Variants in SNX13 observed in about 807,000 individuals in gnomAD.
The protein encoded by SNX13 is sorting nexin-13.
In SNX13, 45 loss-of-function variants were observed where a neutral mutation model predicts 133.6. That is an observed-to-expected ratio of 0.34 (90% CI 0.27 to 0.43). SNX13 has a LOEUF of 0.43. SNX13 is among the 20% of genes least tolerant of loss of function. SNX13 has a pLI of 1.00. For missense variants in SNX13, 1,032 were observed against 1,145.1 expected, an observed-to-expected ratio of 0.90 and a Z score of 1.43; for synonymous variants, 414 against 373.9, an observed-to-expected ratio of 1.11 and a Z score of -1.24.
At chr7:17,913,684 G>C (rs571856491) in intron 1 of SNX13, among the ~76,000 whole-genome samples, 1 of 147,372 alleles carries the variant, frequency 6.8e-6, no homozygotes, top group South Asian at 2.1e-4. Context: ...AGCAACATAC[G>C]TCAGTCATAC....
chr7:17,902,780 G>A (rs149054513), intron 1 of SNX13, among the ~76,000 whole-genome samples: 6 of 152,130 alleles, frequency 3.9e-5, no homozygotes, highest in African/African-American at 9.7e-5. Flanking sequence ...TTAGGAACTG[G>A]GCCGCACAGC....
At chr7:17,919,310 A>T (rs1218291605) in intron 1 of SNX13, among the ~76,000 whole-genome samples, 1 of 152,174 alleles carries the variant, frequency 6.6e-6, no homozygotes, top group Non-Finnish European at 1.5e-5. Flanking sequence ...AATACTAAAT[A>T]ACCTACTTAG....
chr7:17,883,636 C>T (rs1455645931), intron 5 of SNX13, among the ~76,000 whole-genome samples: 2 of 152,036 alleles, frequency 1.3e-5, no homozygotes, highest in Non-Finnish European at 1.5e-5. Context: ...CAGGTATACA[C>T]GTGCCATGGT....
At chr7:17,825,257 A>AACTAGGCTAG (rs1554314266) in intron 17 of SNX13, among the ~76,000 whole-genome samples, 2 of 146,396 alleles carry the variant, frequency 1.4e-5, no homozygotes, top group Non-Finnish European at 3.0e-5. Flanking sequence ...AACTAGATTA[A>AACTAGGCTAG]ACTAGACTAG....
chr7:17,924,214 A>T (rs1646374309), intron 1 of SNX13, among the ~76,000 whole-genome samples: 1 of 152,222 alleles, frequency 6.6e-6, no homozygotes, highest in Non-Finnish European at 1.5e-5. Context: ...ATGGGAGAAA[A>T]TATTTGCAAA....
chr7:17,864,960 G>A (rs1172652304), intron 9 of SNX13, among the ~76,000 whole-genome samples: 1 of 151,478 alleles, frequency 6.6e-6, no homozygotes, highest in Non-Finnish European at 1.5e-5. Context: ...TCAAAGTGCT[G>A]AAGGAAAAAA....
chr7:17,929,235 T>G (rs529996704), intron 1 of SNX13, among the ~76,000 whole-genome samples: 1 of 151,916 alleles, frequency 6.6e-6, no homozygotes, highest in Non-Finnish European at 1.5e-5. Flanking sequence ...TATAAAGGAA[T>G]AGAGAGAGAT....
rs1338024538 is a variant in SNX13 at position 17,852,570 on chromosome 7, A to G, written c.838-1606T>C. 4.6e-5 allele frequency among the ~76,000 whole-genome samples: 7 copies of G among 152,318 alleles called. No homozygotes were observed. In the East Asian group the frequency reaches 1.2e-3, roughly 25 times the overall value. The stretch of plus-strand genomic sequence containing the variant: ...AAGAAAGAGCAGAGAGAAAATGTAG[A>G]CAGCCAACAGTCAACCCTCTTATAA... On this transcript the variant is annotated intron_variant, in intron 9 of 25. Coordinates refer to ENST00000428135, the MANE Select transcript of SNX13 (RefSeq NM_015132.5).
At chr7:17,823,404 T>C (rs907523224) in intron 17 of SNX13, among the ~76,000 whole-genome samples, 5 of 152,126 alleles carry the variant, frequency 3.3e-5, no homozygotes, top group African/African-American at 1.2e-4. Flanking sequence ...TGCTATTTCG[T>C]ATATAACTGG....
intron 24 of SNX13, 136 bp from the exon 25 acceptor site, chr7:17,797,075 A>C (rs1442103498): frequency 1.5e-6 from 1 of 667,856 alleles, no homozygotes; most frequent in African/African-American, 1.8e-5. Flanking sequence ...ACATATAGCT[A>C]TAATGATATT....
chr7:17,852,875 GAAGAA>G (rs2128328310), intron 9 of SNX13, among the ~76,000 whole-genome samples: 1 of 152,314 alleles, frequency 6.6e-6, no homozygotes, highest in Non-Finnish European at 1.5e-5. Context: ...CACAGTAACA[GAAGAA>G]AATATAAAAT....
chr7:17,815,421 A>G (rs1206587441), intron 19 of SNX13, among the ~76,000 whole-genome samples: 12 of 152,094 alleles, frequency 7.9e-5, no homozygotes, highest in African/African-American at 2.9e-4. Flanking sequence ...CATCTCTACA[A>G]AAAAATTTAA....
At chr7:17,810,732 A>T (rs544303039) in intron 20 of SNX13, among the ~76,000 whole-genome samples, 1 of 152,230 alleles carries the variant, frequency 6.6e-6, no homozygotes, top group African/African-American at 2.4e-5. Context: ...ACGCCTGATG[A>T]ACATCAATGT....
At chr7:17,810,143 G>C (rs530969268) in intron 20 of SNX13, among the ~76,000 whole-genome samples, 33 of 152,022 alleles carry the variant, frequency 2.2e-4, no homozygotes, top group Non-Finnish European at 3.2e-4. Flanking sequence ...AGGAGATAGA[G>C]ACACGAAAAA....
In SNX13 at chr7:17,893,328, T is replaced by G; in HGVS notation, c.228+4A>C. ...GAGGTTTTATATTCCCTCAAACGATTTACCTTAGGAACCCCAGGTGATGTT... is the reference window on the plus strand; with the variant it reads ...GAGGTTTTATATTCCCTCAAACGATGTACCTTAGGAACCCCAGGTGATGTT... On this transcript the variant is annotated splice_donor_region_variant and intron_variant, in intron 3 of 25. Transcript: ENST00000428135. 6.4e-7 allele frequency: 1 copy of G among 1,556,122 alleles called. No individual in the cohort carries two copies. The highest frequency in any genetic ancestry group is 8.7e-7 in the Non-Finnish European group (1 of 1,144,726).
At chr7:17,940,049 A>G (rs1259725904) in intron 1 of SNX13, among the ~76,000 whole-genome samples, 1 of 152,202 alleles carries the variant, frequency 6.6e-6, no homozygotes, top group Non-Finnish European at 1.5e-5. Context: ...GCCAGGGGCG[A>G]GTGGCAAGTG....
intron 5 of SNX13, chr7:17,882,677 T>C: frequency 2.1e-6 from 1 of 477,674 alleles, no homozygotes; most frequent in Non-Finnish European, 3.0e-6. Flanking sequence ...TGGAGTATGT[T>C]AGTGTGTGTT....
chr7:17,899,209 T>A (rs1470272518), intron 1 of SNX13: 1 of 152,224 alleles, frequency 6.6e-6, no homozygotes, highest in Non-Finnish European at 1.5e-5. Context: ...TTCCATGTTT[T>A]TTTCTTTTTC....
intron 1 of SNX13, among the ~76,000 whole-genome samples, chr7:17,933,370 C>T (rs1282833483): frequency 6.6e-6 from 1 of 152,050 alleles, no homozygotes; most frequent in African/African-American, 2.4e-5. Flanking sequence ...GGTGAAACCC[C>T]GTCTCTACTA....
Sources: gnomAD v4.1 joint callset for allele counts (sites outside exome capture counted in the v4.1 genomes callset) on GRCh38, gnomAD v4.1.1 for gene constraint, MANE v1.5 for transcripts, NCBI Gene and HGNC (gene_info 2026-07-23, HGNC 2026-07-21) for gene names.